CNOT7: variants seen among roughly 807,000 people sequenced by gnomAD.
CNOT7 encodes CCR4-NOT transcription complex subunit 7, also known as BTG1-binding factor 1.
In CNOT7, 4 loss-of-function variants were observed where a neutral mutation model predicts 37.1. The observed-to-expected ratio is 0.11, with a 90% CI of 0.05 to 0.25. The LOEUF (loss-of-function observed/expected upper bound fraction) is 0.25. Ranked by LOEUF, CNOT7 falls within the 10% of genes least tolerant of loss-of-function variation. CNOT7 has a pLI of 1.00. For synonymous variants in CNOT7, 128 were observed against 115.6 expected (o/e 1.11, Z -0.69); for missense variants, 170 against 336.2 (o/e 0.51, Z 3.87).
In CNOT7 at chr8:17,245,111, T is replaced by C. The variant is rs549878313; in HGVS notation, c.42A>G (p.Glu14=). ...CTTCATCCAAGTTGCAAGCCCAAACTTCACAAATTCTTTGGCTATGATCTA... is the reference window on the plus strand; with the variant it reads ...CTTCATCCAAGTTGCAAGCCCAAACCTCACAAATTCTTTGGCTATGATCTA... ...ATVDHSQRIC[E]VWACNLDEEM... Residue 14 remains glutamate, a synonymous_variant, in exon 2 of 7, where the codon GAA becomes GAG. Transcript: ENST00000361272. 3 of 1,613,742 alleles carry C rather than the reference T, an allele frequency of 1.9e-6. No homozygotes were observed. The highest frequency in any genetic ancestry group is 2.7e-5 in the African/African-American group (2 of 75,032).
In CNOT7 at chr8:17,225,870, A is replaced by G. The variant is rs945241348; in HGVS notation, c.*4850T>C. 10 of 151,514 alleles carry G rather than the reference A, an allele frequency of 6.6e-5. No homozygotes were observed. Among genetic ancestry groups the G allele is most frequent in the African/African-American group, 2.4e-4 (10 of 41,346 alleles). The allele number at this position is 151,514 out of a possible 1,614,324, so 9.4% of individuals were successfully genotyped here. On this transcript the variant is annotated 3_prime_UTR_variant, in exon 7 of 7. Transcript: ENST00000361272. ...TATCCCTTTATTTATAAATTCTAAC[A>G]CATTTATTTTATAGACATGAGATAA... is the stretch of plus-strand genomic sequence containing the variant.
In CNOT7 at chr8:17,229,588, CA is replaced by C. The variant is rs945136298; in HGVS notation, c.*1131del. On this transcript the variant is annotated 3_prime_UTR_variant, in exon 7 of 7. Coordinates refer to ENST00000361272, the MANE Select transcript of CNOT7 (RefSeq NM_013354.7). ...ATAAAATAGATTGCAAAGATATACACAAAAAAATAAGCATTACACTCCTCAG... is the reference window on the plus strand; with the variant it reads ...ATAAAATAGATTGCAAAGATATACACAAAAAATAAGCATTACACTCCTCAG... 41 of 151,170 alleles carry C rather than the reference CA, an allele frequency of 2.7e-4. No homozygotes were observed. The highest frequency in any genetic ancestry group is 6.0e-4 in the Admixed American group (9 of 15,092). The allele number at this position is 151,170 out of a possible 1,614,324, so 9.4% of individuals were successfully genotyped here.
At position 17,237,385 on chromosome 8, in the gene CNOT7, A is replaced by G. The variant is rs751235290; in HGVS notation, c.312-12T>C. 1 of 1,612,886 alleles carries G rather than the reference A, an allele frequency of 6.2e-7. No individual in the cohort carries two copies. Among genetic ancestry groups the G allele is most frequent in the Non-Finnish European group, 8.5e-7 (1 of 1,179,230 alleles). ...CATACATGTCCTCCCTGGCAGAAGA[A>G]AGAGAAAGACAACATTCAAACATGC... On this transcript the variant is annotated splice_polypyrimidine_tract_variant and intron_variant, in intron 3 of 6. Transcript: ENST00000361272.
In CNOT7 at chr8:17,226,347, G is replaced by T. The variant is rs7460815; in HGVS notation, c.*4373C>A. On this transcript the variant is annotated 3_prime_UTR_variant, in exon 7 of 7. Transcript: ENST00000361272. Reference sequence around the variant, plus strand: ...AATCTGTTAATGCTGATGTGTAATGGGATTTCACGTATTTCATCTTTGAAA... The same window carrying T: ...AATCTGTTAATGCTGATGTGTAATGTGATTTCACGTATTTCATCTTTGAAA... 59,578 of 150,912 alleles carry T rather than the reference G, an allele frequency of 0.39. 14,149 individuals are homozygous for T. The highest frequency in any genetic ancestry group is 0.54 in the Non-Finnish European group (36,443 of 67,350). 9.3% of individuals were successfully genotyped at this position (150,912 alleles called of 1,614,324 possible).
At position 17,226,492 on chromosome 8, in the gene CNOT7, G is replaced by C. The variant is rs926993794; in HGVS notation, c.*4228C>G. Reference sequence around the variant, plus strand: ...AGGCATTTGTAGGATTCATCTTTTTGGTATTTGCCCTTTAGCATGTCATTC... The same window carrying C: ...AGGCATTTGTAGGATTCATCTTTTTCGTATTTGCCCTTTAGCATGTCATTC... On this transcript the variant is annotated 3_prime_UTR_variant, in exon 7 of 7. Coordinates refer to ENST00000361272, the MANE Select transcript of CNOT7 (RefSeq NM_013354.7). 6.6e-6 allele frequency: 1 copy of C among 151,448 alleles called. No individual in the cohort carries two copies. The highest frequency in any genetic ancestry group is 1.5e-5 in the Non-Finnish European group (1 of 67,648). 9.4% of individuals were successfully genotyped at this position (151,448 alleles called of 1,614,324 possible).
chr8:17,239,169 T>C (rs1211269137), intron 3 of CNOT7, among the ~76,000 whole-genome samples: 1 of 152,172 alleles, frequency 6.6e-6, no homozygotes, highest in African/African-American at 2.4e-5. Context: ...CCTCCTTTTG[T>C]AGCCTCCCAA....
intron 3 of CNOT7, chr8:17,237,637 T>A (rs1585811064): frequency 2.9e-6 from 1 of 339,096 alleles, no homozygotes; most frequent in South Asian, 5.8e-5. Context: ...TATTAGCCTT[T>A]CATACTTAAA....
intron 3 of CNOT7, chr8:17,237,587 G>C: frequency 2.0e-6 from 1 of 490,748 alleles, no homozygotes; most frequent in South Asian, 3.6e-5. Context: ...ATCATTCAGA[G>C]AGTCCAAAGG....
At chr8:17,232,114 T>C in intron 6 of CNOT7, 1 of 1,022,144 alleles carries the variant, frequency 9.8e-7, no homozygotes, top group South Asian at 2.4e-5. Context: ...ACTAGTAATG[T>C]GTTTAATCAT....
intron 3 of CNOT7, among the ~76,000 whole-genome samples, chr8:17,237,823 G>T (rs949033322): frequency 6.6e-6 from 1 of 152,210 alleles, no homozygotes; most frequent in African/African-American, 2.4e-5. Flanking sequence ...AGCAGCACCA[G>T]TAAGGAGACC....
At chr8:17,231,440 TGGAA>T in intron 6 of CNOT7, 1 of 736,340 alleles carries the variant, frequency 1.4e-6, no homozygotes, top group Non-Finnish European at 1.7e-6. Context: ...ATGAAACAAT[TGGAA>T]GGAGTCCAAA....
intron 3 of CNOT7, chr8:17,237,618 T>C (rs1274058899): frequency 1.2e-5 from 5 of 412,366 alleles, no homozygotes; most frequent in Non-Finnish European, 2.2e-5. Context: ...ATCTTTTTTC[T>C]ATTAACTCTA....
At chr8:17,246,072 T>C (rs1380189512) in intron 1 of CNOT7, 2 of 151,962 alleles carry the variant, frequency 1.3e-5, no homozygotes, top group Non-Finnish European at 2.9e-5. Flanking sequence ...AGGACACCCC[T>C]CCTTTATAAC....
At chr8:17,243,459 G>T (rs1314196350) in intron 2 of CNOT7, 1 of 567,412 alleles carries the variant, frequency 1.8e-6, no homozygotes, top group Non-Finnish European at 3.3e-6. Flanking sequence ...CCAAGAAAGG[G>T]GGGAAAATCA....
intron 1 of CNOT7, 34 bp from the exon 2 acceptor site, chr8:17,245,281 T>G: frequency 1.1e-6 from 1 of 930,362 alleles, no homozygotes. Flanking sequence ...GAAGACCAGA[T>G]ATATCAAATC....
chr8:17,231,923 A>G (rs1430244394), intron 6 of CNOT7: 1 of 986,980 alleles, frequency 1.0e-6, no homozygotes, highest in Non-Finnish European at 1.2e-6. Context: ...AATGCAGTAA[A>G]AGAGCCTGAG....
rs11554625 is a variant in CNOT7 at position 17,230,151 on chromosome 8, C to A, written c.*569G>T. ...TTGTCTTTTTTAAGTTTCGCTGAAT[C>A]GACAGTTTGCACAACGTGCTATATT... is the stretch of plus-strand genomic sequence containing the variant. On this transcript the variant is annotated 3_prime_UTR_variant, in exon 7 of 7. Transcript: ENST00000361272. 2.6e-5 allele frequency: 4 copies of A among 152,396 alleles called. No homozygotes were observed. The highest frequency in any genetic ancestry group is 5.9e-5 in the Non-Finnish European group (4 of 67,928). The allele number at this position is 152,396 out of a possible 1,614,324, so 9.4% of individuals were successfully genotyped here. A position where few individuals can be genotyped will look rare whatever the true frequency, so the allele number is the denominator to read the frequency against.
intron 6 of CNOT7, among the ~76,000 whole-genome samples, chr8:17,231,307 C>T (rs1248268797): frequency 6.6e-6 from 1 of 152,010 alleles, no homozygotes; most frequent in East Asian, 1.9e-4. Context: ...TATTACTGTC[C>T]TTGAAGAAGC....
rs533798060 is a variant in CNOT7, at chr8:17,228,076, G to A, written c.*2644C>T. The A allele has an allele frequency of 6.6e-6, 1 of 151,838 alleles. No homozygotes were observed. Among genetic ancestry groups the A allele is most frequent in the Non-Finnish European group, 1.5e-5 (1 of 67,816 alleles). The allele number at this position is 151,838 out of a possible 1,614,324, so 9.4% of individuals were successfully genotyped here. ...GGCTGCATTCCAATAAAAACTTATA[G>A]ACACTAAAATTTGAATTTCATGTAA... On this transcript the variant is annotated 3_prime_UTR_variant, in exon 7 of 7. Transcript: ENST00000361272.
Sources: gnomAD v4.1 joint callset for allele counts (sites outside exome capture counted in the v4.1 genomes callset) on GRCh38, gnomAD v4.1.1 for gene constraint, MANE v1.5 for transcripts, NCBI Gene and HGNC (gene_info 2026-07-23, HGNC 2026-07-21) for gene names.